Variants in IL15 observed in about 807,000 individuals in gnomAD.
IL15 encodes the protein interleukin-15.
A neutral mutation model predicts 19.6 loss-of-function variants in IL15; 11 were observed. The ratio of observed to expected loss-of-function variants is 0.56; its 90% CI spans 0.35 to 0.93. IL15 has a LOEUF of 0.93. IL15 is among the 40% of genes least tolerant of loss of function. The pLI, the probability that IL15 is intolerant of heterozygous loss-of-function variation, is 0.01. For synonymous variants in IL15, 58 were observed against 59.6 expected (o/e 0.97, Z 0.12); for missense variants, 197 against 186.5 (o/e 1.06, Z -0.33).
chr4:141,685,858 A>G (rs1297524177), intron 2 of IL15, among the ~76,000 whole-genome samples: 1 of 152,206 alleles, frequency 6.6e-6, no homozygotes, highest in Non-Finnish European at 1.5e-5. Context: ...TTTCTTCATA[A>G]CATTTAAAAA....
At chr4:141,706,690 A>G (rs927410291) in intron 2 of IL15, among the ~76,000 whole-genome samples, 5 of 151,394 alleles carry the variant, frequency 3.3e-5, no homozygotes, top group Admixed American at 6.6e-5. Context: ...TTTGCTGAAT[A>G]TAGTGTTCTT....
At chr4:141,662,687 A>T (rs1043942606) in intron 2 of IL15, among the ~76,000 whole-genome samples, 33 of 151,990 alleles carry the variant, frequency 2.2e-4, no homozygotes, top group Non-Finnish European at 1.5e-5. Context: ...TTACCGATGT[A>T]TTTGTGTTTG....
chr4:141,643,106 G>A (rs1284376412), intron 1 of IL15, among the ~76,000 whole-genome samples: 1 of 152,178 alleles, frequency 6.6e-6, no homozygotes, highest in Admixed American at 6.5e-5. Flanking sequence ...TTAGAGATAA[G>A]GAAACCAGCT....
At chr4:141,657,691 T>G (rs1373083821) in intron 2 of IL15, among the ~76,000 whole-genome samples, 3 of 152,142 alleles carry the variant, frequency 2.0e-5, no homozygotes, top group African/African-American at 7.2e-5. Context: ...ACTGTCTTTC[T>G]CCTCCACGTC....
intron 6 of IL15, among the ~76,000 whole-genome samples, chr4:141,728,844 A>G (rs997185072): frequency 3.3e-5 from 5 of 152,126 alleles, no homozygotes; most frequent in Non-Finnish European, 7.4e-5. Context: ...TGTAAAATGG[A>G]AAGTAGTCAA....
At chr4:141,707,686 T>C (rs990778035) in intron 2 of IL15, among the ~76,000 whole-genome samples, 3 of 152,224 alleles carry the variant, frequency 2.0e-5, no homozygotes, top group Non-Finnish European at 1.5e-5. Flanking sequence ...TGTGATTGAC[T>C]CAGTGGTCTA....
intron 4 of IL15, chr4:141,721,283 A>G: frequency 1.4e-6 from 1 of 691,282 alleles, no homozygotes; most frequent in Non-Finnish European, 2.6e-6. Flanking sequence ...CATCATTCCA[A>G]TGTTACTTGG....
At chr4:141,726,416 A>T (rs999067390) in intron 5 of IL15, among the ~76,000 whole-genome samples, 1 of 152,192 alleles carries the variant, frequency 6.6e-6, no homozygotes, top group African/African-American at 2.4e-5. Flanking sequence ...AATAGTGATG[A>T]TGCTAAGTAA....
intron 1 of IL15, among the ~76,000 whole-genome samples, chr4:141,638,352 T>G (rs889260836): frequency 1.3e-5 from 2 of 152,186 alleles, no homozygotes; most frequent in African/African-American, 4.8e-5. Context: ...TCACAGAATT[T>G]TAGTCAATCA....
intron 2 of IL15, among the ~76,000 whole-genome samples, chr4:141,659,961 T>C (rs1390179321): frequency 1.3e-5 from 2 of 152,218 alleles, no homozygotes; most frequent in Non-Finnish European, 2.9e-5. Flanking sequence ...CAGTGATAGT[T>C]ATTCATGTCA....
chr4:141,733,546 C>T lies in IL15; in HGVS notation c.*698C>T, dbSNP rs546003236. 5.9e-5 allele frequency: 9 copies of T among 152,302 alleles called. No homozygotes were observed. The highest frequency in any genetic ancestry group is 4.1e-4 in the South Asian group (2 of 4,824). 9.4% of individuals were successfully genotyped at this position (152,302 alleles called of 1,614,324 possible). A position where few individuals can be genotyped will look rare whatever the true frequency, so the allele number is the denominator to read the frequency against. On this transcript the variant is annotated 3_prime_UTR_variant, in exon 8 of 8. Transcript: ENST00000320650. ...AATGGTGTGCAAGCTTGTCCAATCA[C>T]GGATTGCAGGCCACATGCGGCCCAG...
Position 141,733,168 on chromosome 4 carries a change from T to G in IL15, c.*320T>G, listed in dbSNP as rs961569656. On this transcript the variant is annotated 3_prime_UTR_variant, in exon 8 of 8. Transcript: ENST00000320650. ...GTTGTTTTTTAAGTTGCACTGATAT[T>G]TTACCTCTTATTGCAAAATAGCATT... The G allele has an allele frequency of 4.7e-6, 1 of 213,230 alleles. No homozygotes were observed. The highest frequency in any genetic ancestry group is 2.4e-5 in the African/African-American group (1 of 42,372). 13.2% of individuals were successfully genotyped at this position (213,230 alleles called of 1,614,324 possible).
At chr4:141,691,770 C>T (rs1579024697) in intron 2 of IL15, among the ~76,000 whole-genome samples, 1 of 152,206 alleles carries the variant, frequency 6.6e-6, no homozygotes, top group Non-Finnish European at 1.5e-5. Context: ...GTCCCTTTAG[C>T]TGCTTTCATG....
chr4:141,662,997 G>GA (rs979931391), intron 2 of IL15, among the ~76,000 whole-genome samples: 2 of 150,854 alleles, frequency 1.3e-5, no homozygotes, highest in Admixed American at 6.6e-5. Context: ...ATTATTGGCA[G>GA]AAAAAAAATC....
At chr4:141,648,255 T>C (rs1727294327) in intron 1 of IL15, among the ~76,000 whole-genome samples, 1 of 152,078 alleles carries the variant, frequency 6.6e-6, no homozygotes, top group African/African-American at 2.4e-5. Context: ...AATAGAATCT[T>C]TAACTTCCTT....
intron 1 of IL15, among the ~76,000 whole-genome samples, chr4:141,648,104 A>G (rs1282227724): frequency 2.6e-5 from 4 of 152,042 alleles, no homozygotes; most frequent in African/African-American, 9.7e-5. Context: ...GTTCTGAGAA[A>G]AGGAGTTTGA....
chr4:141,685,261 T>C (rs1728671993), intron 2 of IL15, among the ~76,000 whole-genome samples: 1 of 152,224 alleles, frequency 6.6e-6, no homozygotes. Flanking sequence ...GATATGTGCT[T>C]ATATGCATTT....
intron 1 of IL15, among the ~76,000 whole-genome samples, chr4:141,653,498 T>C (rs1198294231): frequency 6.6e-6 from 1 of 152,216 alleles, no homozygotes; most frequent in African/African-American, 2.4e-5. Context: ...TGTATGTCCT[T>C]GCAAATGTTT....
At chr4:141,725,251 C>T (rs1377879641) in intron 5 of IL15, among the ~76,000 whole-genome samples, 1 of 152,146 alleles carries the variant, frequency 6.6e-6, no homozygotes, top group Non-Finnish European at 1.5e-5. Context: ...GTGTCCCTCC[C>T]TATGCCTCCT....
Sources: gnomAD v4.1 joint callset for allele counts (sites outside exome capture counted in the v4.1 genomes callset) on GRCh38, gnomAD v4.1.1 for gene constraint, MANE v1.5 for transcripts, NCBI Gene and HGNC (gene_info 2026-07-23, HGNC 2026-07-21) for gene names.